Variants in ATG5 observed in about 807,000 individuals in gnomAD.
The protein encoded by ATG5 is autophagy protein 5.
ATG5 carries 14 observed loss-of-function variants against 36.5 expected under a neutral mutation model. That is an observed-to-expected ratio of 0.38 (90% confidence interval 0.25 to 0.60). ATG5 has a LOEUF of 0.60. ATG5 is among the 20% of genes least tolerant of loss of function. The probability of loss-of-function intolerance (pLI) is 0.60; values close to 1 mark genes in which losing one functional copy is unlikely to be tolerated. For missense variants in ATG5, 195 were observed against 326.7 expected (o/e 0.60, Z 3.11); for synonymous variants, 95 against 101.5 (o/e 0.94, Z 0.38).
Position 106,315,679 on chromosome 6 carries a change from G to A in ATG5, c.108+422C>T, listed in dbSNP as rs999821248. Among the ~76,000 whole-genome samples the A allele has an allele frequency of 2.0e-5, 3 of 152,050 alleles. No individual in the cohort carries two copies. The South Asian group carries it at 6.2e-4, about 32-fold the overall frequency. ...AACACTTTTAACAAACAGTTGCTTA[G>A]AATCTCCTAACTACAAAAGAATACA... On this transcript the variant is annotated intron_variant, in intron 2 of 7. Transcript: ENST00000369076.
intron 3 of ATG5, among the ~76,000 whole-genome samples, chr6:106,304,756 A>T (rs1770371537): frequency 6.6e-6 from 1 of 152,198 alleles, no homozygotes; most frequent in Non-Finnish European, 1.5e-5. Context: ...TAGCTACACA[A>T]CTGTACACAA....
intron 3 of ATG5, among the ~76,000 whole-genome samples, chr6:106,294,245 T>C (rs929014722): frequency 9.9e-5 from 15 of 152,138 alleles, no homozygotes; most frequent in African/African-American, 3.6e-4. Flanking sequence ...TACTCCTAGA[T>C]TTAAGAGCTG....
chr6:106,190,676 G>A (rs955744543), intron 7 of ATG5, among the ~76,000 whole-genome samples: 19 of 151,690 alleles, frequency 1.3e-4, no homozygotes, highest in Admixed American at 9.8e-4. Context: ...AAAAAGTTAC[G>A]TTTTAAGAAA....
chr6:106,249,370 G>A (rs78663225), intron 5 of ATG5, among the ~76,000 whole-genome samples: 3,166 of 152,126 alleles, frequency 0.021, 96 homozygotes, highest in African/African-American at 0.073. Context: ...TTTGCATCTG[G>A]GTTTTTCGCT....
intron 6 of ATG5, among the ~76,000 whole-genome samples, chr6:106,208,222 ATC>A (rs1391685734): frequency 5.3e-5 from 8 of 151,618 alleles, no homozygotes; most frequent in Admixed American, 5.2e-4. Flanking sequence ...GTATATATAC[ATC>A]TGTGTAAACA....
At chr6:106,291,802 T>C (rs1234474749) in intron 4 of ATG5, among the ~76,000 whole-genome samples, 1 of 152,248 alleles carries the variant, frequency 6.6e-6, no homozygotes, top group East Asian at 1.9e-4. Context: ...GCATGTAACA[T>C]GGTAAATGAA....
At chr6:106,231,685 A>G (rs955829905) in intron 6 of ATG5, among the ~76,000 whole-genome samples, 2 of 152,216 alleles carry the variant, frequency 1.3e-5, no homozygotes, top group South Asian at 4.1e-4. Context: ...ATCTTAAAGG[A>G]TAAGTTTATC....
chr6:106,189,640 A>G (rs1007950589), intron 7 of ATG5, among the ~76,000 whole-genome samples: 2 of 62,302 alleles, frequency 3.2e-5, no homozygotes, highest in African/African-American at 8.5e-5. Context: ...ATTAATAATA[A>G]AACAGTAAAA....
At chr6:106,210,721 C>T (rs1776820635) in intron 6 of ATG5, among the ~76,000 whole-genome samples, 1 of 152,150 alleles carries the variant, frequency 6.6e-6, no homozygotes, top group South Asian at 2.1e-4. Flanking sequence ...ATACTTAAAC[C>T]TTCTTGTGTT....
At chr6:106,269,098 G>C (rs1249489870) in intron 5 of ATG5, among the ~76,000 whole-genome samples, 2 of 152,108 alleles carry the variant, frequency 1.3e-5, no homozygotes, top group Non-Finnish European at 2.9e-5. Flanking sequence ...CCCTGAGCTA[G>C]ACACAAAGGT....
At chr6:106,252,292 G>A (rs1356084833) in intron 5 of ATG5, among the ~76,000 whole-genome samples, 3 of 151,320 alleles carry the variant, frequency 2.0e-5, no homozygotes, top group Non-Finnish European at 4.4e-5. Context: ...ATTTAAGAAG[G>A]CTATCAAATC....
In ATG5 at chr6:106,213,292, A is replaced by C. The variant is rs548845925; in HGVS notation, c.574-11203T>G. ...AAATATGTACAAAGCACTATGAAAA[A>C]AATTACAAAGCTTGAGCACAAATTT... On this transcript the variant is annotated intron_variant, in intron 6 of 7. Coordinates refer to ENST00000369076, the MANE Select transcript of ATG5 (RefSeq NM_004849.4). 9.8e-5 allele frequency among the ~76,000 whole-genome samples: 15 copies of C among 152,372 alleles called. No homozygotes were observed. In the East Asian group the frequency reaches 2.5e-3, roughly 25 times the overall value.
chr6:106,271,061 A>G (rs1160237826), intron 5 of ATG5, among the ~76,000 whole-genome samples: 1 of 152,162 alleles, frequency 6.6e-6, no homozygotes, highest in Non-Finnish European at 1.5e-5. Flanking sequence ...CTCTTATATC[A>G]TATTCTACAT....
chr6:106,307,106 A>C (rs1770475275), intron 3 of ATG5, among the ~76,000 whole-genome samples: 6 of 152,240 alleles, frequency 3.9e-5, no homozygotes, highest in Admixed American at 3.9e-4. Context: ...GGATCTCATC[A>C]GCACAAGGTG....
chr6:106,296,261 G>A (rs1769925514), intron 3 of ATG5, among the ~76,000 whole-genome samples: 2 of 151,462 alleles, frequency 1.3e-5, no homozygotes, highest in Non-Finnish European at 2.9e-5. Flanking sequence ...TTACCACATG[G>A]AGCTACTGGA....
intron 5 of ATG5, among the ~76,000 whole-genome samples, chr6:106,263,881 A>G (rs1259444739): frequency 6.6e-6 from 1 of 151,826 alleles, no homozygotes; most frequent in African/African-American, 2.4e-5. Flanking sequence ...AAAGATGGAA[A>G]AAAAAAAAAA....
chr6:106,318,254 G>C (rs803360), intron 1 of ATG5, among the ~76,000 whole-genome samples: 90,131 of 151,912 alleles, frequency 0.59, 27,836 homozygotes, highest in African/African-American at 0.77. Flanking sequence ...AGGCAGGGAT[G>C]ATCATAAACC....
intron 3 of ATG5, among the ~76,000 whole-genome samples, chr6:106,304,573 C>T (rs950483351): frequency 6.6e-6 from 1 of 151,930 alleles, no homozygotes; most frequent in Non-Finnish European, 1.5e-5. Flanking sequence ...AATTCAGACA[C>T]GAAAGGCTAC....
Position 106,288,024 on chromosome 6 carries a change from G to A in ATG5, c.315+5004C>T, listed in dbSNP as rs374632380. Among the ~76,000 whole-genome samples, 11 of 151,008 alleles carry A rather than the reference G, an allele frequency of 7.3e-5. No homozygotes were observed. The East Asian group carries it at 1.6e-3, about 21-fold the overall frequency. On this transcript the variant is annotated intron_variant, in intron 4 of 7. Transcript: ENST00000369076. ...TCTACTCTGTTGCCCAGGCTGGAGT[G>A]CAGTGGCATGGTCTCGGCTCACTGC...
Sources: gnomAD v4.1 joint callset for allele counts (sites outside exome capture counted in the v4.1 genomes callset) on GRCh38, gnomAD v4.1.1 for gene constraint, MANE v1.5 for transcripts, NCBI Gene and HGNC (gene_info 2026-07-23, HGNC 2026-07-21) for gene names.